The following KDM5C variants were observed in gnomAD, a reference collection of about 807,000 sequenced individuals.
The protein encoded by KDM5C is lysine-specific demethylase 5C.
In KDM5C, 16 loss-of-function variants were observed where a neutral mutation model predicts 110.6. That is an observed-to-expected ratio of 0.14 (90% CI 0.10 to 0.22). The LOEUF is 0.22. Ranked by LOEUF, KDM5C falls within the 10% of genes least tolerant of loss-of-function variation. KDM5C has a pLI of 1.00. For synonymous variants in KDM5C, 511 were observed against 520.4 expected (o/e 0.98, Z 0.24); for missense variants, 681 against 1,300.9 (o/e 0.52, Z 7.33).
rs2146952115 is a variant in KDM5C at position 53,218,206 on chromosome X, A to AG, written c.351+69dup. 8 of 1,178,742 alleles carry AG rather than the reference A, an allele frequency of 6.8e-6. No individual in the cohort carries two copies. In the South Asian group the frequency reaches 1.1e-4, roughly 16 times the overall value. ...GCCTAAAGATCTAATATCCAAACTA[A>AG]GGGGGCCCCCAGAGTATCAAGGATA... On this transcript the variant is annotated intron_variant, in intron 3 of 25. Transcript: ENST00000375401.
chrX:53,182,090 T>G (rs782018506), intron 25 of KDM5C, among the ~76,000 whole-genome samples: 1,220 of 107,392 alleles, frequency 0.011, 15 homozygotes, highest in African/African-American at 0.04. Flanking sequence ...TTTTTGTTTT[T>G]TTTTTTTTTT....
intron 12 of KDM5C, among the ~76,000 whole-genome samples, chrX:53,208,840 G>C (rs2073465159): frequency 1.8e-5 from 1 of 54,262 alleles, no homozygotes; most frequent in African/African-American, 6.3e-5. Context: ...TTTTGAGACA[G>C]GGTCTCACTA....
At position 53,201,537 on chromosome X, in the gene KDM5C, G is replaced by A. The variant is rs2073139068; in HGVS notation, c.2061+13C>T. On this transcript the variant is annotated intron_variant, in intron 14 of 25. Transcript: ENST00000375401. ...ACCAGAATAGGGTGCTTGATCTGGG[G>A]TACTCTCCCCACCTTCTCCAGCAGG... is the stretch of plus-strand genomic sequence containing the variant. The A allele has an allele frequency of 2.5e-6, 3 of 1,207,133 alleles. No homozygotes were observed. Among genetic ancestry groups the A allele is most frequent in the African/African-American group, 3.5e-5 (2 of 56,918 alleles).
At position 53,216,405 on chromosome X, in the gene KDM5C, C is replaced by G. The variant is rs151230185; in HGVS notation, c.658-208G>C. 5.1e-3 allele frequency among the ~76,000 whole-genome samples: 567 copies of G among 112,248 alleles called. 2 individuals are homozygous for G. The highest frequency in any genetic ancestry group is 0.018 in the African/African-American group (541 of 30,894). On this transcript the variant is annotated intron_variant, in intron 5 of 25. Transcript: ENST00000375401. ...CCCTCTCTCAGAAAGGAATAAAAGA[C>G]AGGATATCTCAGTTTTCCCAACTGT...
At position 53,197,079 on chromosome X, in the gene KDM5C, G is replaced by A. The variant is rs151201497; in HGVS notation, c.2623-35C>T. 2.6e-4 allele frequency: 283 copies of A among 1,076,398 alleles called. No individual in the cohort carries two copies. The African/African-American group carries it at 3.9e-3, about 15-fold the overall frequency. 88.7% of individuals were successfully genotyped at this position (1,076,398 alleles called of 1,213,427 possible). A position where few individuals can be genotyped will look rare whatever the true frequency, so the allele number is the denominator to read the frequency against. On this transcript the variant is annotated intron_variant, in intron 18 of 25. Transcript: ENST00000375401. ...CACAGGATGAAGAACAAACTCCTCA[G>A]CTGGGCCCACTGAGGGGTTCCACCA... is the stretch of plus-strand genomic sequence containing the variant.
chrX:53,188,648 T>C (rs1934305523), downstream of KDM5C, among the ~76,000 whole-genome samples: 1 of 111,504 alleles, frequency 9.0e-6, no homozygotes, highest in Non-Finnish European at 1.9e-5. Flanking sequence ...GTGCTGGGAT[T>C]ACAGGTGTGA....
intron 25 of KDM5C, among the ~76,000 whole-genome samples, chrX:53,183,262 C>CAAAAAAA (rs3045214): frequency 2.3e-5 from 1 of 43,556 alleles, no homozygotes; most frequent in Non-Finnish European, 4.0e-5. Context: ...CCTGTCTCTA[C>CAAAAAAA]AAAAAAAAAA....
At chrX:53,187,025 T>C (rs1934238335), downstream of KDM5C, among the ~76,000 whole-genome samples, 2 of 112,011 alleles carry the variant, frequency 1.8e-5, no homozygotes, top group Non-Finnish European at 3.8e-5. Flanking sequence ...GACAGGTAGG[T>C]GTCCTGTTCT....
intron 25 of KDM5C, among the ~76,000 whole-genome samples, chrX:53,183,118 G>A (rs1471183128): frequency 9.1e-6 from 1 of 109,793 alleles, no homozygotes; most frequent in Non-Finnish European, 1.9e-5. Flanking sequence ...AATGGACTTG[G>A]CACTCTTGTA....
In KDM5C at chrX:53,194,221, G is replaced by T. The variant is rs782709978; in HGVS notation, c.3956C>A (p.Pro1319His). 3 of 1,211,817 alleles carry T rather than the reference G, an allele frequency of 2.5e-6. No individual in the cohort carries two copies. The Admixed American group carries it at 6.5e-5, about 26-fold the overall frequency. The change falls in exon 23 of 26, where the codon CCT becomes CAT. Residue 1319 changes from proline (P) to histidine (H), a missense_variant. Coordinates refer to ENST00000375401, the MANE Select transcript of KDM5C (RefSeq NM_004187.5). Reference sequence around the variant, plus strand: ...GTAGTTAGGAGGCTCCTCAGGTCTAGGTTCAGCCTGTAGCCGTTGGCGGAG... The same window carrying T: ...GTAGTTAGGAGGCTCCTCAGGTCTATGTTCAGCCTGTAGCCGTTGGCGGAG... The part of the protein sequence containing the change: ...AELRQRLQAE[P>H]RPEEPPNYPA...
intron 1 of KDM5C, among the ~76,000 whole-genome samples, chrX:53,224,320 T>C (rs1569284930): frequency 8.9e-6 from 1 of 112,080 alleles, no homozygotes; most frequent in Non-Finnish European, 1.9e-5. Flanking sequence ...TCTGTCTCCC[T>C]TCAGGACTGC....
At chrX:53,207,174 T>A in intron 12 of KDM5C, among the ~76,000 whole-genome samples, 1 of 33,716 alleles carries the variant, frequency 3.0e-5, no homozygotes, top group East Asian at 8.2e-4. Flanking sequence ...TGAGACTCCT[T>A]CTCCAAAAAA....
intron 12 of KDM5C, among the ~76,000 whole-genome samples, chrX:53,208,919 G>A (rs1447290763): frequency 3.0e-5 from 3 of 101,694 alleles, no homozygotes; most frequent in South Asian, 4.7e-4. Flanking sequence ...GGGTTCAAGC[G>A]ATTCTCCTGC....
Position 53,192,859 on chromosome X carries a change from C to CCCCCCG in KDM5C, c.*107_*108insCGGGGG. On this transcript the variant is annotated 3_prime_UTR_variant, in exon 26 of 26. Transcript: ENST00000375401. ...AGGGGTGGGCGGGTAGCAGGGATGG[C>CCCCCCG]CACCCCCCTACCCGCCCACCCCCCA... is the stretch of plus-strand genomic sequence containing the variant. 2.9e-6 allele frequency: 2 copies of CCCCCCG among 691,047 alleles called. No homozygotes were observed. The highest frequency in any genetic ancestry group is 3.8e-6 in the Non-Finnish European group (2 of 519,834). The allele number at this position is 691,047 out of a possible 1,213,427, so 57.0% of individuals were successfully genotyped here.
At chrX:53,180,779 T>G (rs1934019097) in intron 25 of KDM5C, among the ~76,000 whole-genome samples, 1 of 80,654 alleles carries the variant, frequency 1.2e-5, no homozygotes, top group South Asian at 9.6e-4. Flanking sequence ...CAGGCTGGAG[T>G]GCAGTGGCGC....
rs782046492 is a variant in KDM5C at position 53,193,602 on chromosome X, C to T, written c.4152G>A (p.Leu1384=). The change falls in exon 25 of 26, where the codon TTG becomes TTA. Residue 1384 remains leucine (L), a synonymous_variant. Coordinates refer to ENST00000375401, the MANE Select transcript of KDM5C (RefSeq NM_004187.5). The part of the protein sequence containing the change: ...LELLSSLLPQ[L]TGPVLELPEA... ...CAGGCAGTTCCAACACAGGGCCAGT[C>T]AACTGTGGCAACAGCGAGGACAGCA... 8.3e-7 allele frequency: 1 copy of T among 1,210,458 alleles called. No homozygotes were observed. The highest frequency in any genetic ancestry group is 1.7e-5 in the African/African-American group (1 of 57,334).
intron 25 of KDM5C, among the ~76,000 whole-genome samples, chrX:53,181,488 C>T (rs930350928): frequency 1.8e-5 from 2 of 110,116 alleles, no homozygotes; most frequent in Non-Finnish European, 3.8e-5. Flanking sequence ...TTAGGCTAAT[C>T]TTTTCAAGAT....
downstream of KDM5C, among the ~76,000 whole-genome samples, chrX:53,187,156 C>T (rs191522185): frequency 1.3e-4 from 14 of 111,287 alleles, no homozygotes; most frequent in South Asian, 1.6e-3. Context: ...ACTTCCACCA[C>T]GACCAATCTG....
At chrX:53,214,944 T>G in intron 7 of KDM5C, 97 bp from the exon 8 acceptor site, 1 of 965,469 alleles carries the variant, frequency 1.0e-6, no homozygotes, top group Non-Finnish European at 1.5e-6. Flanking sequence ...ATGCTAGGTC[T>G]GGAGCTCAAC....
Sources: gnomAD v4.1 joint callset for allele counts (sites outside exome capture counted in the v4.1 genomes callset) on GRCh38, gnomAD v4.1.1 for gene constraint, MANE v1.5 for transcripts, NCBI Gene and HGNC (gene_info 2026-07-23, HGNC 2026-07-21) for gene names.